The following PCDHA12 variants were observed in gnomAD, a reference collection of about 807,000 sequenced individuals.
The protein encoded by PCDHA12 is protocadherin alpha 12, also known as protocadherin alpha-12.
Under a neutral mutation model 60.0 loss-of-function variants are expected in PCDHA12, and 44 were observed. The observed-to-expected ratio is 0.73, with a 90% CI of 0.58 to 0.94. The LOEUF (loss-of-function observed/expected upper bound fraction) is 0.94. PCDHA12 is among the 40% of genes least tolerant of loss of function. PCDHA12 has a pLI of 0.00. For synonymous variants in PCDHA12, 569 were observed against 553.0 expected, an observed-to-expected ratio of 1.03 and a Z score of -0.40; for missense variants, 1,276 against 1,239.7, an observed-to-expected ratio of 1.03 and a Z score of -0.44.
At chr5:140,882,750 A>C (rs781948584) in intron 1 of PCDHA12, 3 of 1,614,128 alleles carry the variant, frequency 1.9e-6, no homozygotes, top group Non-Finnish European at 2.5e-6. Flanking sequence ...TCCGATGCAG[A>C]TATTGGAGTA....
At chr5:140,943,846 A>C (rs1209903373) in intron 1 of PCDHA12, among the ~76,000 whole-genome samples, 1 of 152,242 alleles carries the variant, frequency 6.6e-6, no homozygotes, top group African/African-American at 2.4e-5. Context: ...GTAAGATGTC[A>C]CAGAAGTCAA....
rs549755742 is a variant in PCDHA12 at position 140,943,684 on chromosome 5, T to C, written c.2368-35265T>C. ...ATGTATAAAGTGTGAAAAAAAGGGA[T>C]AAGGTCAAAATATTGTGGAACACAT... On this transcript the variant is annotated intron_variant, in intron 1 of 3. Transcript: ENST00000398631. Among the ~76,000 whole-genome samples, 254 of 152,102 alleles carry C rather than the reference T, an allele frequency of 1.7e-3. 2 individuals carry two copies. The highest frequency in any genetic ancestry group is 2.9e-4 in the Non-Finnish European group (20 of 67,984).
At chr5:140,946,611 A>AATATAT (rs1554217734) in intron 1 of PCDHA12, among the ~76,000 whole-genome samples, 1,127 of 86,766 alleles carry the variant, frequency 0.013, 130 homozygotes, top group African/African-American at 0.067. Flanking sequence ...GAAAATGTGA[A>AATATAT]ATATATATAT....
At position 140,897,557 on chromosome 5, in the gene PCDHA12, A is replaced by G. The variant is rs2066188249; in HGVS notation, c.2367+19718A>G. Reference sequence around the variant, plus strand: ...GGCTGCATAGTCTTCCATGGTGTATATGTGCCACATTTTCTTAATCCAGTC... The same window carrying G: ...GGCTGCATAGTCTTCCATGGTGTATGTGTGCCACATTTTCTTAATCCAGTC... On this transcript the variant is annotated intron_variant, in intron 1 of 3. Coordinates refer to ENST00000398631, the MANE Select transcript of PCDHA12 (RefSeq NM_018903.4). Among the ~76,000 whole-genome samples, 4 of 151,994 alleles carry G rather than the reference A, an allele frequency of 2.6e-5. No individual in the cohort carries two copies. The South Asian group carries it at 8.3e-4, about 32-fold the overall frequency.
chr5:140,895,044 C>T (rs964599264), intron 1 of PCDHA12, among the ~76,000 whole-genome samples: 24 of 152,112 alleles, frequency 1.6e-4, no homozygotes, highest in Non-Finnish European at 2.2e-4. Flanking sequence ...CCACCCACAC[C>T]ATTCTGCTTC....
chr5:141,000,639 G>T (rs1375900945), intron 3 of PCDHA12, among the ~76,000 whole-genome samples: 1 of 151,186 alleles, frequency 6.6e-6, no homozygotes, highest in Non-Finnish European at 1.5e-5. Context: ...TGTTGGGCAG[G>T]CTGGTCTCGA....
At chr5:140,976,871 A>G (rs2096735171) in intron 1 of PCDHA12, among the ~76,000 whole-genome samples, 2 of 152,224 alleles carry the variant, frequency 1.3e-5, no homozygotes, top group Non-Finnish European at 2.9e-5. Flanking sequence ...TGTCTGACAA[A>G]GAAAGAATTA....
At chr5:140,885,664 A>G (rs2060680895) in intron 1 of PCDHA12, among the ~76,000 whole-genome samples, 1 of 152,174 alleles carries the variant, frequency 6.6e-6, no homozygotes, top group Non-Finnish European at 1.5e-5. Context: ...ACCAGTTATG[A>G]GCACTCTTTC....
chr5:140,887,125 C>A (rs1391575318), intron 1 of PCDHA12, among the ~76,000 whole-genome samples: 1 of 150,082 alleles, frequency 6.7e-6, no homozygotes, highest in East Asian at 2.0e-4. Context: ...GAGACGGAGT[C>A]TCACTCTGTC....
chr5:140,998,805 C>T (rs1226450562), intron 3 of PCDHA12, among the ~76,000 whole-genome samples: 1 of 152,204 alleles, frequency 6.6e-6, no homozygotes, highest in Admixed American at 6.5e-5. Flanking sequence ...CTCAGGTGAT[C>T]TGCCTGCCTT....
In PCDHA12 at chr5:140,877,170, G is replaced by A. The variant is rs782615376; in HGVS notation, c.1698G>A (p.Leu566=). The A allele has an allele frequency of 6.2e-7, 1 of 1,613,712 alleles. No homozygotes were observed. ...AGAACGACAACGCGCCGGCACTGCT[G>A]GCGACTCCGGCTGGCAGCGCAGGAG... ...LDENDNAPAL[L]ATPAGSAGGA... The change falls in exon 1 of 4, where the codon CTG becomes CTA. Residue 566 remains leucine, a synonymous_variant. Transcript: ENST00000398631.
rs1255289031 is a variant in PCDHA12 at position 141,010,188 on chromosome 5, T to C, written c.*251T>C. On this transcript the variant is annotated 3_prime_UTR_variant, in exon 4 of 4. Transcript: ENST00000398631. Reference sequence around the variant, plus strand: ...CAGAACCTAAAAAGCAGACCCAAGTTTCCTTTCTCCTCCGCCGCAAAGGAG... The same window carrying C: ...CAGAACCTAAAAAGCAGACCCAAGTCTCCTTTCTCCTCCGCCGCAAAGGAG... 1.3e-6 allele frequency: 2 copies of C among 1,552,952 alleles called. No individual in the cohort carries two copies. Among genetic ancestry groups the C allele is most frequent in the Non-Finnish European group, 8.7e-7 (1 of 1,147,482 alleles).
chr5:140,946,631 T>TACAC (rs374022482), intron 1 of PCDHA12, among the ~76,000 whole-genome samples: 1 of 131,846 alleles, frequency 7.6e-6, no homozygotes, highest in Non-Finnish European at 1.5e-5. Flanking sequence ...TATATATATA[T>TACAC]ACAATGGAAT....
chr5:140,982,772 A>T (rs144366377), intron 3 of PCDHA12, among the ~76,000 whole-genome samples: 67 of 152,052 alleles, frequency 4.4e-4, no homozygotes, highest in African/African-American at 1.5e-3. Context: ...TAACAAGGAA[A>T]GTGTGTGTGC....
Position 141,012,299 on chromosome 5 carries a change from A to G in PCDHA12, c.*2362A>G, listed in dbSNP as rs1554263904. 1 of 153,754 alleles carries G rather than the reference A, an allele frequency of 6.5e-6. No homozygotes were observed. Among genetic ancestry groups the G allele is most frequent in the African/African-American group, 2.4e-5 (1 of 41,456 alleles). The allele number at this position is 153,754 out of a possible 1,614,324, so 9.5% of individuals were successfully genotyped here. A position where few individuals can be genotyped will look rare whatever the true frequency, so the allele number is the denominator to read the frequency against. ...TGTGGATTCATTTTGAATTGGTGCT[A>G]TTGGTATTTCCTCTGTTATTGCTAA... On this transcript the variant is annotated 3_prime_UTR_variant, in exon 4 of 4. Transcript: ENST00000398631.
chr5:140,927,995 AC>A, intron 1 of PCDHA12: 5 of 1,614,042 alleles, frequency 3.1e-6, no homozygotes, highest in Non-Finnish European at 4.2e-6. Flanking sequence ...AAGGATGAAG[AC>A]CTCGATTCTA....
At chr5:140,903,487 A>G (rs2070330722) in intron 1 of PCDHA12, among the ~76,000 whole-genome samples, 1 of 152,242 alleles carries the variant, frequency 6.6e-6, no homozygotes, top group South Asian at 2.1e-4. Context: ...TATAGTTCTG[A>G]GCAGGTACCA....
chr5:140,967,364 C>T, intron 1 of PCDHA12: 2 of 1,607,620 alleles, frequency 1.2e-6, no homozygotes, highest in Non-Finnish European at 1.7e-6. Flanking sequence ...CCTTAAGCCC[C>T]TGCAGGAGAA....
chr5:140,927,601 G>C lies in PCDHA12; in HGVS notation c.2367+49762G>C, dbSNP rs1490799029. 27 of 1,614,082 alleles carry C rather than the reference G, an allele frequency of 1.7e-5. No individual in the cohort carries two copies. Among genetic ancestry groups the C allele is most frequent in the Non-Finnish European group, 2.3e-5 (27 of 1,180,040 alleles). Reference sequence around the variant, plus strand: ...CAACGCGCCTGTATTTGAGCGCTCCGTATACCGCACCAAGGTTCCAGAGAC... The same window carrying C: ...CAACGCGCCTGTATTTGAGCGCTCCCTATACCGCACCAAGGTTCCAGAGAC... On this transcript the variant is annotated intron_variant, in intron 1 of 3. Transcript: ENST00000398631.
Sources: gnomAD v4.1 joint callset for allele counts (sites outside exome capture counted in the v4.1 genomes callset) on GRCh38, gnomAD v4.1.1 for gene constraint, MANE v1.5 for transcripts, NCBI Gene and HGNC (gene_info 2026-07-23, HGNC 2026-07-21) for gene names.